Variants in ERICH1 observed in about 807,000 individuals in gnomAD.
ERICH1 encodes glutamate rich 1.
A neutral mutation model predicts 39.6 loss-of-function variants in ERICH1; 56 were observed. The observed-to-expected ratio is 1.41, with a 90% CI of 1.14 to 1.77. ERICH1 has a LOEUF of 1.77. Among genes scored for constraint, ERICH1 ranks in the 40% most tolerant of loss-of-function variants. The pLI is 0.00. For missense variants in ERICH1, 826 were observed against 575.4 expected (o/e 1.44, Z -4.45); for synonymous variants, 313 against 223.6 (o/e 1.40, Z -3.57).
intron 1 of ERICH1, among the ~76,000 whole-genome samples, chr8:718,924 T>C (rs1329575465): frequency 6.6e-6 from 1 of 152,198 alleles, no homozygotes; most frequent in Non-Finnish European, 1.5e-5. Flanking sequence ...CTCCAATCTG[T>C]ACCCTGGTGT....
At chr8:719,415 T>A (rs1295428442) in intron 1 of ERICH1, among the ~76,000 whole-genome samples, 1 of 152,252 alleles carries the variant, frequency 6.6e-6, no homozygotes, top group Admixed American at 6.5e-5. Flanking sequence ...GGTCATTCAC[T>A]TCTGCAGAAC....
Position 704,600 on chromosome 8 carries a change from T to G in ERICH1, c.169+11261A>C, listed in dbSNP as rs1476173072. 3.3e-5 allele frequency among the ~76,000 whole-genome samples: 5 copies of G among 152,116 alleles called. No individual in the cohort carries two copies. In the East Asian group the frequency reaches 9.6e-4, roughly 29 times the overall value. On this transcript the variant is annotated intron_variant, in intron 2 of 5. Transcript: ENST00000262109. ...CGGTGTTTACGGAGACATAAACATG[T>G]AAACAATACTGATGTACAAACATTT...
intron 3 of ERICH1, among the ~76,000 whole-genome samples, chr8:683,399 C>T (rs554016931): frequency 1.7e-4 from 26 of 152,236 alleles, no homozygotes; most frequent in African/African-American, 4.6e-4. Context: ...GCCTGTGAGA[C>T]GGGGAGCACC....
chr8:625,032 C>G (rs1797524516), intron 3 of ERICH1, among the ~76,000 whole-genome samples: 2 of 152,152 alleles, frequency 1.3e-5, no homozygotes, highest in Admixed American at 1.3e-4. Context: ...GGCCTACACA[C>G]TTTTAAACAC....
chr8:639,465 C>T (rs1209901039), intron 3 of ERICH1, among the ~76,000 whole-genome samples: 1 of 152,218 alleles, frequency 6.6e-6, no homozygotes, highest in Non-Finnish European at 1.5e-5. Flanking sequence ...AGCCTCTGGG[C>T]TGTCACTCTG....
intron 1 of ERICH1, among the ~76,000 whole-genome samples, chr8:726,631 AACAC>A (rs925879431): frequency 1.3e-5 from 2 of 150,016 alleles, no homozygotes; most frequent in African/African-American, 2.5e-5. Flanking sequence ...GACACAGGTG[AACAC>A]ACAGACACAC....
chr8:615,005 A>C (rs1796842366), exon 4 of ERICH1: 1 of 423,666 alleles, frequency 2.4e-6, no homozygotes, highest in South Asian at 6.8e-5. Flanking sequence ...GGACTTGGGC[A>C]CTGCCTCATT....
At chr8:630,272 C>CA (rs2117103451) in intron 3 of ERICH1, among the ~76,000 whole-genome samples, 1 of 122,776 alleles carries the variant, frequency 8.1e-6, no homozygotes, top group South Asian at 2.8e-4. Flanking sequence ...TGACCACCCA[C>CA]AGGCAGAGGT....
chr8:730,101 T>C (rs574277379), intron 1 of ERICH1, among the ~76,000 whole-genome samples: 29 of 152,242 alleles, frequency 1.9e-4, no homozygotes, highest in Admixed American at 1.6e-3. Context: ...GAACAAGGTA[T>C]TTCTGGTGCT....
rs902314979 is a variant in ERICH1 at position 683,425 on chromosome 8, G to GT, written c.304+9052dup. Among the ~76,000 whole-genome samples the GT allele has an allele frequency of 4.6e-4, 70 of 152,208 alleles. 1 individual carries two copies. Among genetic ancestry groups the GT allele is most frequent in the Admixed American group, 4.6e-4 (7 of 15,278 alleles). On this transcript the variant is annotated intron_variant, in intron 3 of 5. Coordinates refer to ENST00000262109, the MANE Select transcript of ERICH1 (RefSeq NM_207332.3). ...GGGGAGCACCCCTCCAGGGTCAGCC[G>GT]TGAGGGTCAGCAGGTGCCTGAACAC...
At position 706,651 on chromosome 8, in the gene ERICH1, C is replaced by T. The variant is rs902548522; in HGVS notation, c.169+9210G>A. Reference sequence around the variant, plus strand: ...AAAATTAGTCGGACGTGGTGGCACACGCATGTAATCCCAGCTACTCAGGCT... The same window carrying T: ...AAAATTAGTCGGACGTGGTGGCACATGCATGTAATCCCAGCTACTCAGGCT... On this transcript the variant is annotated intron_variant, in intron 2 of 5. Coordinates refer to ENST00000262109, the MANE Select transcript of ERICH1 (RefSeq NM_207332.3). Among the ~76,000 whole-genome samples the T allele has an allele frequency of 1.5e-4, 23 of 152,108 alleles. 1 individual carries two copies. Among genetic ancestry groups the T allele is most frequent in the Admixed American group, 8.5e-4 (13 of 15,282 alleles).
intron 1 of ERICH1, among the ~76,000 whole-genome samples, chr8:718,606 C>A (rs1055551342): frequency 6.6e-6 from 1 of 152,234 alleles, no homozygotes; most frequent in Non-Finnish European, 1.5e-5. Context: ...AGAGTGACAG[C>A]TGACAGGGGT....
intron 3 of ERICH1, among the ~76,000 whole-genome samples, chr8:688,083 A>G (rs1050171869): frequency 6.6e-5 from 10 of 152,210 alleles, no homozygotes; most frequent in East Asian, 1.9e-4. Context: ...CAGGCACCCA[A>G]TGCAGTTCCC....
chr8:642,237 G>A (rs1260889025), intron 3 of ERICH1, among the ~76,000 whole-genome samples: 3 of 152,138 alleles, frequency 2.0e-5, no homozygotes, highest in Admixed American at 6.5e-5. Context: ...CCCACAGGTC[G>A]GGAATGCACA....
chr8:673,935 C>T lies in ERICH1; in HGVS notation c.417G>A (p.Gln139=). The T allele has an allele frequency of 6.2e-7, 1 of 1,612,544 alleles. No individual in the cohort carries two copies. The change falls in exon 4 of 6, where the codon CAG becomes CAA. Residue 139 remains glutamine (Q), a synonymous_variant. Transcript: ENST00000262109. ...GAGATTTCTCCTGTAACAGACTCTG[C>T]TGTTTCTCTAATTCTGCTTGTTCTA... The part of the protein sequence containing the change: ...VLIEQAELEK[Q]QSLLQEKSQR...
chr8:723,511 G>A (rs1257271322), intron 1 of ERICH1, among the ~76,000 whole-genome samples: 1 of 152,174 alleles, frequency 6.6e-6, no homozygotes, highest in African/African-American at 2.4e-5. Context: ...TGTCATATTA[G>A]AGAAATCTCT....
intron 3 of ERICH1, among the ~76,000 whole-genome samples, chr8:622,796 A>T (rs554917925): frequency 5.5e-4 from 83 of 151,968 alleles, no homozygotes; most frequent in Admixed American, 1.5e-3. Context: ...CTATAAAAAA[A>T]TTTTTTTAAA....
chr8:663,388 G>A (rs1585111417), downstream of ERICH1, among the ~76,000 whole-genome samples: 2 of 152,192 alleles, frequency 1.3e-5, no homozygotes, highest in African/African-American at 4.8e-5. Flanking sequence ...TCAGCACTGG[G>A]GGAGTGGGGA....
chr8:667,981 C>T (rs1338530706), intron 5 of ERICH1: 1 of 155,300 alleles, frequency 6.4e-6, no homozygotes. Flanking sequence ...CTCTGGGACG[C>T]CAGCCCTGGG....
Sources: gnomAD v4.1 joint callset for allele counts (sites outside exome capture counted in the v4.1 genomes callset) on GRCh38, gnomAD v4.1.1 for gene constraint, MANE v1.5 for transcripts, NCBI Gene and HGNC (gene_info 2026-07-23, HGNC 2026-07-21) for gene names.